FAM193A: variants seen among roughly 807,000 people sequenced by gnomAD.
FAM193A encodes the protein family with sequence similarity 193 member A, also known as protein FAM193A.
Under a neutral mutation model 126.5 loss-of-function variants are expected in FAM193A, and 22 were observed. The ratio of observed to expected loss-of-function variants is 0.17; its 90% CI spans 0.12 to 0.25. The LOEUF is 0.25. FAM193A is among the 10% of genes least tolerant of loss of function. The pLI, the probability that FAM193A is intolerant of heterozygous loss-of-function variation, is 1.00. For missense variants in FAM193A, 1,675 were observed against 1,672.8 expected, an observed-to-expected ratio of 1.00 and a Z score of -0.02; for synonymous variants, 761 against 646.8, an observed-to-expected ratio of 1.18 and a Z score of -2.68.
intron 1 of FAM193A, among the ~76,000 whole-genome samples, chr4:2,547,904 C>T (rs768097255): frequency 2.6e-5 from 4 of 151,088 alleles, no homozygotes; most frequent in South Asian, 4.2e-4. Flanking sequence ...GGGTTGCAGG[C>T]GTGAGCCACT....
At chr4:2,699,323 G>A (rs1021582515) in intron 18 of FAM193A, among the ~76,000 whole-genome samples, 3 of 152,020 alleles carry the variant, frequency 2.0e-5, no homozygotes, top group Admixed American at 6.6e-5. Flanking sequence ...ATGCCCTGCC[G>A]CACCTGTGAG....
intron 19 of FAM193A, among the ~76,000 whole-genome samples, chr4:2,712,468 C>G (rs1297958715): frequency 6.6e-6 from 1 of 152,106 alleles, no homozygotes; most frequent in Non-Finnish European, 1.5e-5. Context: ...GTGCCTGCGG[C>G]CTAAGTCCTG....
chr4:2,646,961 G>T, intron 7 of FAM193A, 129 bp downstream of exon 7: 1 of 1,021,978 alleles, frequency 9.8e-7, no homozygotes. Context: ...AGAGGCGCAT[G>T]TGGGTAGCCC....
At chr4:2,706,278 A>C (rs1011036369) in intron 19 of FAM193A, among the ~76,000 whole-genome samples, 8 of 148,400 alleles carry the variant, frequency 5.4e-5, no homozygotes, top group Admixed American at 4.9e-4. Flanking sequence ...TCCTACAATA[A>C]ATTTCTTTCT....
intron 1 of FAM193A, among the ~76,000 whole-genome samples, chr4:2,582,290 C>T (rs1357631116): frequency 1.3e-5 from 2 of 151,994 alleles, no homozygotes; most frequent in African/African-American, 4.8e-5. Context: ...TAGCTGAGAC[C>T]ACAAGTGTGG....
chr4:2,657,136 C>G (rs1274634724), intron 7 of FAM193A, among the ~76,000 whole-genome samples: 1 of 152,158 alleles, frequency 6.6e-6, no homozygotes, highest in Non-Finnish European at 1.5e-5. Context: ...CCACTGCACT[C>G]CAGCTTGGGT....
chr4:2,541,320 G>A (rs1035130507), intron 1 of FAM193A, among the ~76,000 whole-genome samples: 1 of 151,880 alleles, frequency 6.6e-6, no homozygotes, highest in African/African-American at 2.4e-5. Flanking sequence ...CAACAAAAGC[G>A]AAACTCTGTC....
At chr4:2,552,919 C>G (rs1738030322) in intron 1 of FAM193A, among the ~76,000 whole-genome samples, 1 of 143,962 alleles carries the variant, frequency 6.9e-6, no homozygotes, top group South Asian at 2.2e-4. Context: ...GCAGTCTTGG[C>G]TCACTGCAAC....
chr4:2,633,594 A>G (rs2109007077), intron 5 of FAM193A, among the ~76,000 whole-genome samples: 1 of 151,890 alleles, frequency 6.6e-6, no homozygotes, highest in South Asian at 2.1e-4. Context: ...TGAATTTACT[A>G]GATAATAAAA....
intron 2 of FAM193A, among the ~76,000 whole-genome samples, chr4:2,620,227 CTATTT>C (rs1270901270): frequency 1.3e-5 from 2 of 152,068 alleles, no homozygotes; most frequent in Non-Finnish European, 2.9e-5. Context: ...ATCATGTACC[CTATTT>C]TAAGACTTAC....
At position 2,642,134 on chromosome 4, in the gene FAM193A, CAAAA is replaced by C. The variant is rs35799531; in HGVS notation, c.1163+2292_1163+2295del. 7.0e-5 allele frequency among the ~76,000 whole-genome samples: 6 copies of C among 86,194 alleles called. 1 individual carries two copies. Among genetic ancestry groups the C allele is most frequent in the East Asian group, 3.2e-4 (1 of 3,078 alleles). The allele number at this position is 86,194 out of a possible 152,430, so 56.5% of individuals were successfully genotyped here. On this transcript the variant is annotated intron_variant, in intron 6 of 20. Coordinates refer to ENST00000637812, the MANE Select transcript of FAM193A (RefSeq NM_001366318.2). ...TGAAACCCCGTCTCTACTAAAAATA[CAAAA>C]AAAAAAAAAAAAAAAATTAGCTGGG...
At chr4:2,674,957 A>G (rs1054248672) in intron 13 of FAM193A, among the ~76,000 whole-genome samples, 5 of 152,246 alleles carry the variant, frequency 3.3e-5, no homozygotes, top group African/African-American at 9.6e-5. Flanking sequence ...TGAAAGTTCA[A>G]AGTATTGCTG....
At chr4:2,653,597 C>T (rs1250153190) in intron 7 of FAM193A, among the ~76,000 whole-genome samples, 1 of 152,144 alleles carries the variant, frequency 6.6e-6, no homozygotes, top group Non-Finnish European at 1.5e-5. Flanking sequence ...GCGCCCGCCA[C>T]CACGCCCGGC....
intron 1 of FAM193A, among the ~76,000 whole-genome samples, chr4:2,585,382 C>T (rs1166897803): frequency 6.6e-6 from 1 of 152,092 alleles, no homozygotes; most frequent in Non-Finnish European, 1.5e-5. Flanking sequence ...TTTGGCTGAG[C>T]GTGGGTTTTG....
In FAM193A at chr4:2,617,259, TA is replaced by T. The variant is rs1190064788; in HGVS notation, c.502-8002del. Among the ~76,000 whole-genome samples, 52 of 58,098 alleles carry T rather than the reference TA, an allele frequency of 9.0e-4. 6 individuals carry two copies. Among genetic ancestry groups the T allele is most frequent in the African/African-American group, 2.4e-3 (15 of 6,282 alleles). 38.1% of individuals were successfully genotyped at this position (58,098 alleles called of 152,430 possible). ...TTTTTATTATATATATATATATATA[TA>T]TATTTTTTTTTTTTTTTTTTTTTTG... On this transcript the variant is annotated intron_variant, in intron 2 of 20. Transcript: ENST00000637812.
chr4:2,647,122 C>G lies in FAM193A; in HGVS notation c.1311+290C>G, dbSNP rs757449476. Among the ~76,000 whole-genome samples, 102 of 152,158 alleles carry G rather than the reference C, an allele frequency of 6.7e-4. 2 individuals carry two copies. Among genetic ancestry groups the G allele is most frequent in the Non-Finnish European group, 1.8e-4 (12 of 68,022 alleles). On this transcript the variant is annotated intron_variant, in intron 7 of 20. Coordinates refer to ENST00000637812, the MANE Select transcript of FAM193A (RefSeq NM_001366318.2). The stretch of plus-strand genomic sequence containing the variant: ...CTGCTGTCACTCACACGGGCTGTCA[C>G]CAGGCTCTGCACCCCAGGTAGGAGG...
chr4:2,601,745 A>G (rs529165613), intron 2 of FAM193A, among the ~76,000 whole-genome samples: 1 of 152,072 alleles, frequency 6.6e-6, no homozygotes, highest in South Asian at 2.1e-4. Flanking sequence ...AAAATTATAA[A>G]CCAAAAAAAA....
At chr4:2,650,508 G>A (rs939265826) in intron 7 of FAM193A, among the ~76,000 whole-genome samples, 1 of 152,180 alleles carries the variant, frequency 6.6e-6, no homozygotes. Flanking sequence ...GGTGCGGTAG[G>A]GGAAGCCAAG....
At chr4:2,582,461 T>C (rs559614722) in intron 1 of FAM193A, among the ~76,000 whole-genome samples, 1 of 152,132 alleles carries the variant, frequency 6.6e-6, no homozygotes, top group Non-Finnish European at 1.5e-5. Flanking sequence ...TCCTTCCTTC[T>C]CCTTCCCTCC....
Sources: allele counts gnomAD v4.1 joint callset (sites outside exome capture counted in the v4.1 genomes callset), GRCh38; gene constraint gnomAD v4.1.1; transcripts MANE v1.5; gene names NCBI Gene and HGNC (gene_info 2026-07-23, HGNC 2026-07-21).